EYA1: variants seen among roughly 807,000 people sequenced by gnomAD.
EYA1 encodes the protein EYA transcriptional coactivator and phosphatase 1.
EYA1 carries 16 observed loss-of-function variants against 82.0 expected under a neutral mutation model. The ratio of observed to expected loss-of-function variants is 0.20; its 90% CI spans 0.13 to 0.30. The LOEUF (loss-of-function observed/expected upper bound fraction) is 0.30, where lower values mean the gene tolerates loss of function less well. EYA1 is among the 10% of genes least tolerant of loss of function. The probability of loss-of-function intolerance (pLI) is 1.00; values close to 1 mark genes in which losing one functional copy is unlikely to be tolerated. For missense variants in EYA1, 633 were observed against 730.7 expected (o/e 0.87, Z 1.54); for synonymous variants, 261 against 264.4 (o/e 0.99, Z 0.12).
intron 12 of EYA1, among the ~76,000 whole-genome samples, chr8:71,240,860 G>A (rs934186039): frequency 1.3e-5 from 2 of 152,080 alleles, no homozygotes; most frequent in Non-Finnish European, 2.9e-5. Context: ...CCGTTTGAAG[G>A]TTGCCTTTCA....
chr8:71,330,997 G>A lies in EYA1; in HGVS notation c.202+3100C>T, dbSNP rs181050877. On this transcript the variant is annotated intron_variant, in intron 4 of 17. Transcript: ENST00000340726. ...TGTAATCCCAGCACTTTGGGAGGCC[G>A]AGGCGAGTGGATTACTAGGTCAAGA... Among the ~76,000 whole-genome samples the A allele has an allele frequency of 2.0e-3, 297 of 152,064 alleles. 1 individual carries two copies. The highest frequency in any genetic ancestry group is 5.8e-3 in the African/African-American group (239 of 41,452).
intron 3 of EYA1, among the ~76,000 whole-genome samples, chr8:71,338,738 A>G (rs1034431439): frequency 6.6e-6 from 1 of 152,234 alleles, no homozygotes; most frequent in Non-Finnish European, 1.5e-5. Context: ...CCCACAAAGG[A>G]CAGTACTGCC....
At chr8:71,528,769 C>A (rs534814620) in intron 2 of EYA1, among the ~76,000 whole-genome samples, 1 of 152,158 alleles carries the variant, frequency 6.6e-6, no homozygotes, top group Non-Finnish European at 1.5e-5. Flanking sequence ...ATTCACGGTA[C>A]GTCTTTCATA....
chr8:71,213,214 A>G (rs11785838), intron 16 of EYA1, among the ~76,000 whole-genome samples: 50,694 of 152,080 alleles, frequency 0.33, 9,223 homozygotes, highest in East Asian at 0.77. Context: ...ATGCCCATTA[A>G]AAAAACAATG....
Position 71,269,808 on chromosome 8 carries a change from C to T in EYA1, c.982G>A (p.Asp328Asn), listed in dbSNP as rs1177416665. 6.2e-7 allele frequency: 1 copy of T among 1,613,498 alleles called. No homozygotes were observed. Among genetic ancestry groups the T allele is most frequent in the Non-Finnish European group, 8.5e-7 (1 of 1,179,538 alleles). ...DSDLERVFIW[D>N]LDETIIVFHS... The stretch of plus-strand genomic sequence containing the variant: ...AAAACAATGATTGTCTCATCCAAGT[C>T]CCAGATGAACACTCTCTACAAAGGA... The change falls in exon 11 of 18, where the codon GAC (aspartate) becomes AAC (asparagine). Residue 328 changes from aspartate to asparagine, a missense_variant. Transcript: ENST00000340726.
chr8:71,215,906 T>C (rs1809132990), intron 14 of EYA1, among the ~76,000 whole-genome samples, 178 bp from the exon 15 acceptor site: 1 of 152,238 alleles, frequency 6.6e-6, no homozygotes, highest in Non-Finnish European at 1.5e-5. Context: ...GTTACAGAAG[T>C]CATCTCTTTT....
chr8:71,394,131 G>C (rs1829445450), intron 2 of EYA1, among the ~76,000 whole-genome samples: 1 of 152,110 alleles, frequency 6.6e-6, no homozygotes, highest in Non-Finnish European at 1.5e-5. Flanking sequence ...ACTTTTTGAT[G>C]GGGTTGTTTG....
At chr8:71,342,952 G>C (rs1344708139) in intron 3 of EYA1, among the ~76,000 whole-genome samples, 3 of 152,146 alleles carry the variant, frequency 2.0e-5, no homozygotes, top group Admixed American at 2.0e-4. Flanking sequence ...TAAATATTTT[G>C]TTTGAAAATC....
chr8:71,445,732 G>A lies in EYA1; in HGVS notation c.34-89221C>T, dbSNP rs369698959. Among the ~76,000 whole-genome samples the A allele has an allele frequency of 5.9e-4, 90 of 152,212 alleles. 1 individual carries two copies. The highest frequency in any genetic ancestry group is 2.0e-3 in the African/African-American group (84 of 41,552). The stretch of plus-strand genomic sequence containing the variant: ...CGGCTCACTGCCAGCTCCGCCTCCC[G>A]GGTTCACACCATTCTCCTGCCTCAG... On this transcript the variant is annotated intron_variant, in intron 2 of 18. Coordinates refer to the EYA1 transcript ENST00000643681.
intron 2 of EYA1, among the ~76,000 whole-genome samples, chr8:71,392,192 C>T (rs1829316062): frequency 6.6e-6 from 1 of 152,090 alleles, no homozygotes; most frequent in South Asian, 2.1e-4. Context: ...CACAGCTTCC[C>T]CAGTGGAGCT....
chr8:71,479,025 C>G (rs778757286), intron 2 of EYA1, among the ~76,000 whole-genome samples: 2 of 152,122 alleles, frequency 1.3e-5, no homozygotes, highest in Non-Finnish European at 2.9e-5. Flanking sequence ...AATGATGCAC[C>G]ACTTTTCTGC....
At chr8:71,413,300 C>T (rs1197272030) in intron 2 of EYA1, among the ~76,000 whole-genome samples, 1 of 152,218 alleles carries the variant, frequency 6.6e-6, no homozygotes, top group African/African-American at 2.4e-5. Context: ...ACAGAAACTT[C>T]TCAGTCTCCT....
chr8:71,547,741 A>G (rs111685885), intron 1 of EYA1: 22 of 150,686 alleles, frequency 1.5e-4, no homozygotes, highest in African/African-American at 5.3e-4. Context: ...CGGCAACCCA[A>G]CTGGAGGCAG....
chr8:71,399,492 C>G (rs13248293), intron 2 of EYA1, among the ~76,000 whole-genome samples: 4,417 of 152,174 alleles, frequency 0.029, 234 homozygotes, highest in African/African-American at 0.099. Flanking sequence ...TTTTAACTTT[C>G]CCTTTCACAA....
chr8:71,230,594 A>G (rs1811079177), intron 12 of EYA1, among the ~76,000 whole-genome samples: 1 of 152,188 alleles, frequency 6.6e-6, no homozygotes. Flanking sequence ...ATTAGCAGGA[A>G]GCTAGGACTG....
At chr8:71,257,770 T>A (rs1814613486) in intron 11 of EYA1, among the ~76,000 whole-genome samples, 1 of 152,244 alleles carries the variant, frequency 6.6e-6, no homozygotes. Flanking sequence ...GGTGTTGAAT[T>A]GCAGTGCTGA....
chr8:71,458,583 A>G (rs906142167), intron 2 of EYA1, among the ~76,000 whole-genome samples: 1 of 152,134 alleles, frequency 6.6e-6, no homozygotes, highest in Non-Finnish European at 1.5e-5. Context: ...AATCTCTTTT[A>G]TCAGCACAAA....
intron 2 of EYA1, among the ~76,000 whole-genome samples, chr8:71,441,916 A>T (rs1806463269): frequency 6.6e-6 from 1 of 152,184 alleles, no homozygotes; most frequent in African/African-American, 2.4e-5. Flanking sequence ...TGTTTCTGAG[A>T]ACACACACCT....
intron 7 of EYA1, among the ~76,000 whole-genome samples, chr8:71,305,001 A>G (rs2129007614): frequency 7.0e-6 from 1 of 143,202 alleles, no homozygotes; most frequent in Admixed American, 6.9e-5. Context: ...GTCACACACC[A>G]GGCTTGAACC....
Sources: gnomAD v4.1 joint callset for allele counts (sites outside exome capture counted in the v4.1 genomes callset) on GRCh38, gnomAD v4.1.1 for gene constraint, MANE v1.5 for transcripts, NCBI Gene and HGNC (gene_info 2026-07-23, HGNC 2026-07-21) for gene names.